The following LRRC4C variants were observed in gnomAD, a reference collection of about 807,000 sequenced individuals.
LRRC4C encodes leucine-rich repeat-containing protein 4C.
In LRRC4C, 5 loss-of-function variants were observed where a neutral mutation model predicts 33.6. That is an observed-to-expected ratio of 0.15 (90% confidence interval 0.08 to 0.31). LRRC4C has a LOEUF of 0.31. LRRC4C is among the 10% of genes least tolerant of loss of function. LRRC4C has a pLI of 1.00. For synonymous variants in LRRC4C, 329 were observed against 302.0 expected (o/e 1.09, Z -0.93); for missense variants, 560 against 796.7 (o/e 0.70, Z 3.58).
chr11:40,329,741 T>C lies in LRRC4C; in HGVS notation c.-269-10020A>G, dbSNP rs575303925. Among the ~76,000 whole-genome samples, 84 of 117,236 alleles carry C rather than the reference T, an allele frequency of 7.2e-4. 1 individual carries two copies. Among genetic ancestry groups the C allele is most frequent in the African/African-American group, 2.2e-3 (79 of 35,800 alleles). The allele number at this position is 117,236 out of a possible 152,430, so 76.9% of individuals were successfully genotyped here. ...TTACTTTCTTACTTTCTTTTTCTTT[T>C]TTTTTTTTTTTTTTTTTTGAGATGG... On this transcript the variant is annotated intron_variant, in intron 3 of 6. Transcript: ENST00000528697.
At chr11:41,201,427 AC>A in intron 1 of LRRC4C, among the ~76,000 whole-genome samples, 1 of 152,294 alleles carries the variant, frequency 6.6e-6, no homozygotes, top group Admixed American at 6.5e-5. Context: ...GGTTTTCAAA[AC>A]CCTTGGTCCT....
intron 1 of LRRC4C, among the ~76,000 whole-genome samples, chr11:41,108,494 A>G (rs186618431): frequency 7.2e-5 from 11 of 152,254 alleles, no homozygotes; most frequent in South Asian, 2.1e-4. Context: ...TCTTCCCCAA[A>G]GAGTCTATAT....
intron 6 of LRRC4C, among the ~76,000 whole-genome samples, chr11:40,122,627 C>G (rs1325669335): frequency 6.6e-6 from 1 of 152,110 alleles, no homozygotes; most frequent in African/African-American, 2.4e-5. Context: ...TCCTTACCAT[C>G]ATAATCAATA....
intron 3 of LRRC4C, among the ~76,000 whole-genome samples, chr11:40,507,880 C>A (rs1955115620): frequency 6.6e-6 from 1 of 151,872 alleles, no homozygotes. Flanking sequence ...GCTGGGATTA[C>A]AAGCAGGCAC....
intron 3 of LRRC4C, among the ~76,000 whole-genome samples, chr11:40,487,089 T>A (rs1953901897): frequency 6.6e-6 from 1 of 152,028 alleles, no homozygotes; most frequent in Non-Finnish European, 1.5e-5. Flanking sequence ...TGTGTGTGAG[T>A]TGGACTACGA....
intron 3 of LRRC4C, among the ~76,000 whole-genome samples, chr11:40,544,694 C>A (rs1956849028): frequency 6.6e-6 from 1 of 152,030 alleles, no homozygotes; most frequent in Admixed American, 6.6e-5. Flanking sequence ...TATTTAGTTA[C>A]TTAGATATAT....
In LRRC4C at chr11:40,208,481, AT is replaced by A. The variant is rs200320109; in HGVS notation, c.-96+33037del. Among the ~76,000 whole-genome samples the A allele has an allele frequency of 6.7e-3, 1,026 of 152,012 alleles. 15 individuals carry two copies. Among genetic ancestry groups the A allele is most frequent in the Middle Eastern group, 0.024 (7 of 294 alleles). On this transcript the variant is annotated intron_variant, in intron 5 of 6. Transcript: ENST00000528697. The stretch of plus-strand genomic sequence containing the variant: ...TGAATACGTTTCCATTGAAGTACTA[AT>A]TTTTTTTAGTATTGAAGTAGAGTCC...
At chr11:41,176,723 G>A (rs1945214224) in intron 1 of LRRC4C, among the ~76,000 whole-genome samples, 1 of 152,148 alleles carries the variant, frequency 6.6e-6, no homozygotes, top group Admixed American at 6.5e-5. Context: ...TAGTCTTTGG[G>A]AGGCTGACGC....
At chr11:40,751,882 C>T (rs1265102582) in intron 2 of LRRC4C, among the ~76,000 whole-genome samples, 1 of 152,018 alleles carries the variant, frequency 6.6e-6, no homozygotes, top group Non-Finnish European at 1.5e-5. Context: ...AACCAAAAAA[C>T]AGGATTTTAA....
intron 1 of LRRC4C, among the ~76,000 whole-genome samples, chr11:41,075,440 C>A (rs1385525330): frequency 6.6e-6 from 1 of 151,944 alleles, no homozygotes; most frequent in African/African-American, 2.4e-5. Context: ...AATTTTTCTC[C>A]TTTACCTATA....
At chr11:40,435,324 T>C (rs1951101785) in intron 3 of LRRC4C, among the ~76,000 whole-genome samples, 1 of 152,180 alleles carries the variant, frequency 6.6e-6, no homozygotes, top group South Asian at 2.1e-4. Context: ...GCCAAACACT[T>C]GATCAAACTC....
chr11:41,415,132 G>A (rs946181627), intron 1 of LRRC4C, among the ~76,000 whole-genome samples: 1 of 152,126 alleles, frequency 6.6e-6, no homozygotes, highest in African/African-American at 2.4e-5. Flanking sequence ...ACAACTATAA[G>A]TAACTAGCAG....
At chr11:40,547,168 T>C (rs868186040) in intron 3 of LRRC4C, among the ~76,000 whole-genome samples, 1 of 152,142 alleles carries the variant, frequency 6.6e-6, no homozygotes, top group Non-Finnish European at 1.5e-5. Context: ...CAGCCAACAA[T>C]AACAACAGCT....
chr11:40,565,729 A>C (rs189656505), intron 3 of LRRC4C, among the ~76,000 whole-genome samples: 1 of 151,932 alleles, frequency 6.6e-6, no homozygotes, highest in African/African-American at 2.4e-5. Flanking sequence ...CTGTCTTGCC[A>C]TCTATTGCTT....
At chr11:40,718,475 T>G (rs1026506818) in intron 2 of LRRC4C, among the ~76,000 whole-genome samples, 2 of 152,168 alleles carry the variant, frequency 1.3e-5, no homozygotes, top group African/African-American at 4.8e-5. Context: ...ACTGCTTTCA[T>G]GCAGACCAGC....
At chr11:40,266,473 G>A (rs916467267) in intron 4 of LRRC4C, among the ~76,000 whole-genome samples, 5 of 151,756 alleles carry the variant, frequency 3.3e-5, no homozygotes, top group African/African-American at 4.8e-5. Context: ...TCTCAACAAC[G>A]ACAACACAAA....
intron 1 of LRRC4C, among the ~76,000 whole-genome samples, chr11:40,995,380 G>A (rs560812012): frequency 4.6e-5 from 7 of 152,006 alleles, no homozygotes; most frequent in African/African-American, 1.7e-4. Context: ...ATGAACAACT[G>A]CTTACTAGAT....
intron 1 of LRRC4C, among the ~76,000 whole-genome samples, chr11:41,056,580 C>A (rs917025017): frequency 1.3e-5 from 2 of 152,018 alleles, no homozygotes; most frequent in African/African-American, 4.8e-5. Flanking sequence ...AAACAAACAA[C>A]CCCATTTAAA....
chr11:41,447,318 C>T lies in LRRC4C; in HGVS notation c.-496+12113G>A, dbSNP rs1955856296. On this transcript the variant is annotated intron_variant, in intron 1 of 6. Transcript: ENST00000528697. ...GATTTATGTTCATCCTCATCACGGG[C>T]ATAGAATCAATACATGAAATATGTA... 2.6e-5 allele frequency among the ~76,000 whole-genome samples: 4 copies of T among 152,132 alleles called. No individual in the cohort carries two copies. In the South Asian group the frequency reaches 8.3e-4, roughly 32 times the overall value.
Sources: allele counts gnomAD v4.1 joint callset (sites outside exome capture counted in the v4.1 genomes callset), GRCh38; gene constraint gnomAD v4.1.1; transcripts MANE v1.5; gene names NCBI Gene and HGNC (gene_info 2026-07-23, HGNC 2026-07-21).